Variants in GLB1 observed in about 807,000 individuals in gnomAD.
GLB1 encodes galactosidase beta 1, also known as beta-galactosidase.
Under a neutral mutation model 74.0 loss-of-function variants are expected in GLB1, and 56 were observed. That is an observed-to-expected ratio of 0.76 (90% CI 0.61 to 0.94). The LOEUF is 0.94. GLB1 is among the 40% of genes least tolerant of loss of function. The pLI is 0.00. For missense variants in GLB1, 787 were observed against 845.5 expected (o/e 0.93, Z 0.86); for synonymous variants, 323 against 323.6 (o/e 1.00, Z 0.02).
In GLB1 at chr3:33,093,019, G is replaced by C. The variant is rs965809511; in HGVS notation, c.75+3992C>G. The C allele has an allele frequency of 1.2e-5, 20 of 1,614,260 alleles. No homozygotes were observed. Among genetic ancestry groups the C allele is most frequent in the Non-Finnish European group, 1.7e-5 (20 of 1,180,044 alleles). On this transcript the variant is annotated intron_variant, in intron 1 of 15. Coordinates refer to ENST00000307363, the MANE Select transcript of GLB1 (RefSeq NM_000404.4). This position sits in a 1 kb window ranked among gnomAD's most constrained non-coding sequence, Gnocchi z 6.0. The stretch of plus-strand genomic sequence containing the variant: ...TTCAAGGGGAAGATCTGCCCAGCAT[G>C]TGTGTGCCCAGAAAGGATCAGGTTA...
chr3:33,047,716 G>A (rs1432909904), intron 9 of GLB1, among the ~76,000 whole-genome samples: 1 of 152,178 alleles, frequency 6.6e-6, no homozygotes, highest in Non-Finnish European at 1.5e-5. Context: ...ACTGGTTGTG[G>A]AGGTGACAGA....
intron 10 of GLB1, 41 bp from the exon 11 acceptor site, chr3:33,024,366 T>C: frequency 6.3e-7 from 1 of 1,580,170 alleles, no homozygotes; most frequent in Non-Finnish European, 8.6e-7. Context: ...GAAAAAAAGT[T>C]GGTAAACCTT....
chr3:33,096,016 T>A, intron 1 of GLB1, among the ~76,000 whole-genome samples: 1 of 152,236 alleles, frequency 6.6e-6, no homozygotes, highest in Non-Finnish European at 1.5e-5. Context: ...TGGTTGTAGA[T>A]AAATGTACCA....
the GLB1 span, among the ~76,000 whole-genome samples, chr3:32,971,305 C>T: frequency 6.6e-6 from 1 of 152,200 alleles, no homozygotes; most frequent in Non-Finnish European, 1.5e-5. Flanking sequence ...TGGAGTTCCA[C>T]TACTAATTGT....
the GLB1 span, among the ~76,000 whole-genome samples, chr3:32,982,314 CAAAA>C: frequency 3.4e-4 from 26 of 75,898 alleles, no homozygotes; most frequent in African/African-American, 6.7e-4. Flanking sequence ...ACTCCGTCTC[CAAAA>C]AAAAAAAAAA....
chr3:33,054,863 T>C (rs865828567), intron 6 of GLB1, among the ~76,000 whole-genome samples: 2 of 152,098 alleles, frequency 1.3e-5, no homozygotes, highest in Non-Finnish European at 2.9e-5. Flanking sequence ...GCATGAGCAG[T>C]GTCCACACCA....
intron 15 of GLB1, among the ~76,000 whole-genome samples, chr3:33,008,158 A>C (rs1251965932): frequency 6.6e-6 from 1 of 152,112 alleles, no homozygotes; most frequent in Non-Finnish European, 1.5e-5. Flanking sequence ...ACACTTTTCC[A>C]TTGGTCTCTA....
downstream of GLB1, among the ~76,000 whole-genome samples, chr3:32,994,267 T>C (rs1696269170): frequency 1.3e-5 from 2 of 152,244 alleles, no homozygotes; most frequent in South Asian, 2.1e-4. Flanking sequence ...TTCCTGAACA[T>C]GCTACAACAT....
the GLB1 span, among the ~76,000 whole-genome samples, chr3:32,961,783 G>C: frequency 2.0e-5 from 3 of 152,172 alleles, no homozygotes; most frequent in Non-Finnish European, 4.4e-5. Flanking sequence ...CAGCTGAAAA[G>C]GCATCATGGG....
At chr3:33,049,309 T>A (rs912941678) in intron 9 of GLB1, among the ~76,000 whole-genome samples, 6 of 149,820 alleles carry the variant, frequency 4.0e-5, no homozygotes, top group East Asian at 1.9e-4. Flanking sequence ...TCCTTTTTTT[T>A]AATTTAATTT....
At chr3:33,090,436 C>G in intron 1 of GLB1, 2 of 985,328 alleles carry the variant, frequency 2.0e-6, no homozygotes, top group Non-Finnish European at 2.4e-6. Flanking sequence ...GAAGGAATGG[C>G]AGCAGGATCA....
the GLB1 span, among the ~76,000 whole-genome samples, chr3:32,984,312 G>A: frequency 2.0e-5 from 3 of 151,858 alleles, no homozygotes; most frequent in Admixed American, 1.3e-4. Context: ...GTTGCTCAGG[G>A]GGGAATTCAA....
intron 13 of GLB1, among the ~76,000 whole-genome samples, 139 bp downstream of exon 13, chr3:33,018,285 CAAAAAAAAAAAAAAAAAAAAAAAA>C (rs57833238): frequency 2.4e-5 from 1 of 41,970 alleles, no homozygotes; most frequent in African/African-American, 1.2e-4. Context: ...AACCCTGTCT[CAAAAAAAAAAAAAAAAAAAAAAAA>C]AAAAAAAAAA....
intron 4 of GLB1, among the ~76,000 whole-genome samples, 155 bp downstream of exon 4, chr3:33,068,075 C>T (rs1337571379): frequency 2.0e-5 from 3 of 152,042 alleles, no homozygotes; most frequent in Admixed American, 2.0e-4. Context: ...TTAGTAGGGG[C>T]GAGGTTTTGC....
chr3:33,065,431 C>T, intron 5 of GLB1, 32 bp downstream of exon 5: 1 of 1,555,962 alleles, frequency 6.4e-7, no homozygotes, highest in Non-Finnish European at 8.7e-7. Context: ...GAACCCCTCC[C>T]CCAATCCATC....
chr3:33,047,317 T>C (rs1186899444), intron 9 of GLB1, among the ~76,000 whole-genome samples: 1 of 152,156 alleles, frequency 6.6e-6, no homozygotes, highest in African/African-American at 2.4e-5. Flanking sequence ...TGTTCACAGG[T>C]ATGAGGTTGT....
intron 1 of GLB1, 57 bp from the exon 2 acceptor site, chr3:33,072,770 G>A (rs1005306722): frequency 1.1e-5 from 17 of 1,608,516 alleles, no homozygotes; most frequent in East Asian, 4.5e-5. Context: ...TTCAGAAGCC[G>A]ATCCTTTGAG....
At position 33,097,101 on chromosome 3, in the gene GLB1, G is replaced by T; in HGVS notation, c.-16C>A. On this transcript the variant is annotated 5_prime_UTR_variant, in exon 1 of 16. Coordinates refer to ENST00000307363, the MANE Select transcript of GLB1 (RefSeq NM_000404.4). ...ACCCCGGCATGACCACCAGCCTCCCGGCTCTGCAGTCGGCGCCCAGGCCGG... is the reference window on the plus strand; with the variant it reads ...ACCCCGGCATGACCACCAGCCTCCCTGCTCTGCAGTCGGCGCCCAGGCCGG... The T allele has an allele frequency of 6.2e-7, 1 of 1,611,744 alleles. No homozygotes were observed. The highest frequency in any genetic ancestry group is 8.5e-7 in the Non-Finnish European group (1 of 1,178,748).
At chr3:33,091,408 G>C (rs1700756157) in intron 1 of GLB1, 1 of 985,394 alleles carries the variant, frequency 1.0e-6, no homozygotes, top group African/African-American at 1.7e-5. Context: ...AGCAGTTGCT[G>C]CTTTGACACA....
Sources: allele counts gnomAD v4.1 joint callset (sites outside exome capture counted in the v4.1 genomes callset), GRCh38; gene constraint gnomAD v4.1.1; non-coding constraint Gnocchi (gnomAD v3.1); transcripts MANE v1.5; gene names NCBI Gene and HGNC (gene_info 2026-07-23, HGNC 2026-07-21).